MPHOSPH8: variants seen among roughly 807,000 people sequenced by gnomAD.
MPHOSPH8 encodes M-phase phosphoprotein 8, also known as M-phase phosphoprotein, mpp.
In MPHOSPH8, 45 loss-of-function variants were observed where a neutral mutation model predicts 87.3. That is an observed-to-expected ratio of 0.52 (90% CI 0.41 to 0.66). MPHOSPH8 has a LOEUF of 0.66. MPHOSPH8 is among the 30% of genes least tolerant of loss of function. MPHOSPH8 has a pLI of 0.00. For missense variants in MPHOSPH8, 883 were observed against 1,020.2 expected (o/e 0.87, Z 1.83); for synonymous variants, 366 against 376.9 (o/e 0.97, Z 0.33).
intron 11 of MPHOSPH8, among the ~76,000 whole-genome samples, chr13:19,669,990 CG>C (rs769534641): frequency 5.3e-5 from 8 of 152,146 alleles, no homozygotes; most frequent in Non-Finnish European, 8.8e-5. Context: ...GAAAATCATA[CG>C]TAAGTCTTTT....
chr13:19,643,643 A>G (rs1272302706), intron 2 of MPHOSPH8, among the ~76,000 whole-genome samples: 1 of 152,130 alleles, frequency 6.6e-6, no homozygotes, highest in African/African-American at 2.4e-5. Context: ...TATTCAGAAA[A>G]CAAATATGGG....
At chr13:19,645,498 G>T (rs1430331049) in intron 2 of MPHOSPH8, among the ~76,000 whole-genome samples, 1 of 152,082 alleles carries the variant, frequency 6.6e-6, no homozygotes, top group African/African-American at 2.4e-5. Context: ...CTGGCCAGGC[G>T]CCGTGGCTCA....
At chr13:19,637,292 G>A (rs900467724) in intron 1 of MPHOSPH8, among the ~76,000 whole-genome samples, 1 of 152,180 alleles carries the variant, frequency 6.6e-6, no homozygotes, top group African/African-American at 2.4e-5. Flanking sequence ...CTATGTTAAT[G>A]TAAAAGGTAA....
intron 9 of MPHOSPH8, 113 bp from the exon 10 acceptor site, chr13:19,666,312 T>G (rs1208246313): frequency 6.1e-6 from 7 of 1,152,106 alleles, no homozygotes; most frequent in Non-Finnish European, 8.5e-6. Context: ...CTATCCTTCT[T>G]CCATGGCCTG....
intron 1 of MPHOSPH8, among the ~76,000 whole-genome samples, chr13:19,635,506 C>T (rs985735713): frequency 8.6e-5 from 13 of 152,038 alleles, no homozygotes; most frequent in South Asian, 2.1e-4. Flanking sequence ...CCAGCCTGGG[C>T]GACAGAGGGA....
intron 5 of MPHOSPH8, among the ~76,000 whole-genome samples, chr13:19,650,847 T>C (rs1296004132): frequency 6.6e-6 from 1 of 152,172 alleles, no homozygotes; most frequent in Non-Finnish European, 1.5e-5. Context: ...ATTCGGAATA[T>C]ATGACAGACT....
At chr13:19,666,091 A>AC (rs1371175341) in intron 9 of MPHOSPH8, among the ~76,000 whole-genome samples, 3 of 152,172 alleles carry the variant, frequency 2.0e-5, no homozygotes, top group African/African-American at 7.2e-5. Context: ...GCAGCAGGGG[A>AC]CTGCTTAGCA....
intron 11 of MPHOSPH8, 43 bp downstream of exon 11, chr13:19,668,574 A>T: frequency 6.4e-7 from 1 of 1,561,578 alleles, no homozygotes; most frequent in Non-Finnish European, 8.7e-7. Flanking sequence ...GTGAAGTGTG[A>T]CACTATATTA....
In MPHOSPH8 at chr13:19,646,465, T is replaced by G. The variant is rs1272254844; in HGVS notation, c.392T>G (p.Ile131Arg). ...TAGAGACTATCCTTAAATAACGACA[T>G]ATTTGAGGCGAACTCTGATAGCGAT... is the stretch of plus-strand genomic sequence containing the variant. ...DIQRLSLNND[I>R]FEANSDSDQQ... is the part of the protein sequence containing the mutation. The change falls in exon 3 of 14, where the codon ATA becomes AGA. Residue 131 changes from isoleucine (I) to arginine (R), a missense_variant. Physicochemically the swap from Ile to Arg is moderately conservative, Grantham distance 97. This residue lies in a region of MPHOSPH8 where 39 missense variants were observed against 82.4 expected (regional missense o/e 0.47). Coordinates refer to ENST00000361479, the MANE Select transcript of MPHOSPH8 (RefSeq NM_017520.4). 1 of 1,518,746 alleles carries G rather than the reference T, an allele frequency of 6.6e-7. No homozygotes were observed. Among genetic ancestry groups the G allele is most frequent in the African/African-American group, 1.4e-5 (1 of 70,866 alleles). 94.1% of individuals were successfully genotyped at this position (1,518,746 alleles called of 1,614,324 possible). A position where few individuals can be genotyped will look rare whatever the true frequency, so the allele number is the denominator to read the frequency against.
At chr13:19,640,751 A>T (rs1229783363) in intron 1 of MPHOSPH8, among the ~76,000 whole-genome samples, 1 of 152,110 alleles carries the variant, frequency 6.6e-6, no homozygotes, top group East Asian at 1.9e-4. Flanking sequence ...ACTTAATAAG[A>T]GATACACAGG....
rs752206706 is a variant in MPHOSPH8 at position 19,646,909 on chromosome 13, G to C, written c.836G>C (p.Ser279Thr). The change falls in exon 3 of 14, where the codon AGT (serine) becomes ACT (threonine). Residue 279 changes from serine (S) to threonine (T), a missense_variant. Ser to Thr is a moderately conservative substitution (Grantham distance 58). Coordinates refer to ENST00000361479, the MANE Select transcript of MPHOSPH8 (RefSeq NM_017520.4). Reference protein sequence around the residue: ...LNDSPFPEDDSEGLHSDSREE... With the variant: ...LNDSPFPEDDTEGLHSDSREE... ...GATTCTCCCTTTCCAGAGGATGACA[G>C]TGAAGGGCTACATTCCGACAGCAGA... 2 of 1,603,970 alleles carry C rather than the reference G, an allele frequency of 1.2e-6. No individual in the cohort carries two copies. The highest frequency in any genetic ancestry group is 1.7e-6 in the Non-Finnish European group (2 of 1,177,760).
intron 1 of MPHOSPH8, among the ~76,000 whole-genome samples, chr13:19,635,896 A>C (rs991932544): frequency 3.9e-5 from 6 of 152,130 alleles, no homozygotes; most frequent in Non-Finnish European, 7.3e-5. Context: ...GGTTTCGCCC[A>C]TGCTGTTCTC....
At chr13:19,668,308 C>G in intron 10 of MPHOSPH8, 69 bp from the exon 11 acceptor site, 3 of 1,432,542 alleles carry the variant, frequency 2.1e-6, no homozygotes, top group Non-Finnish European at 2.9e-6. Context: ...GGGAAGCCCT[C>G]ACTGGTATTC....
intron 1 of MPHOSPH8, among the ~76,000 whole-genome samples, chr13:19,637,405 A>G (rs957032982): frequency 3.9e-5 from 6 of 152,106 alleles, no homozygotes; most frequent in Non-Finnish European, 7.4e-5. Context: ...TCATTTATTT[A>G]TCTTTTTTCT....
In MPHOSPH8 at chr13:19,659,300, G is replaced by C. The variant is rs377046757; in HGVS notation, c.1791+11G>C. On this transcript the variant is annotated intron_variant, in intron 7 of 13. Coordinates refer to ENST00000361479, the MANE Select transcript of MPHOSPH8 (RefSeq NM_017520.4). Reference sequence around the variant, plus strand: ...AACCTGGACCAAGAGGTAATATGTCGTTGAAAAATCTCATGAAAGGAAAAT... The same window carrying C: ...AACCTGGACCAAGAGGTAATATGTCCTTGAAAAATCTCATGAAAGGAAAAT... 3.8e-6 allele frequency: 6 copies of C among 1,567,318 alleles called. No individual in the cohort carries two copies. The highest frequency in any genetic ancestry group is 5.2e-6 in the Non-Finnish European group (6 of 1,152,540).
At position 19,673,048 on chromosome 13, in the gene MPHOSPH8, T is replaced by TTGTC. The variant is rs1167914621; in HGVS notation, c.*1175_*1178dup. On this transcript the variant is annotated 3_prime_UTR_variant, in exon 14 of 14. Transcript: ENST00000361479. ...CCAGCCTGAGTGACAGAATGAGACC[T>TTGTC]TGTCTCAAAAAAAAAAAAAAGTTTC... The TTGTC allele has an allele frequency of 6.8e-6, 3 of 442,526 alleles. No individual in the cohort carries two copies. The highest frequency in any genetic ancestry group is 6.3e-5 in the African/African-American group (3 of 47,846). 27.4% of individuals were successfully genotyped at this position (442,526 alleles called of 1,614,324 possible).
chr13:19,669,936 A>C (rs998863972), intron 11 of MPHOSPH8, among the ~76,000 whole-genome samples: 1 of 152,254 alleles, frequency 6.6e-6, no homozygotes, highest in African/African-American at 2.4e-5. Flanking sequence ...ACGTGTGCAC[A>C]TTCAGCAGCA....
In MPHOSPH8 at chr13:19,633,911, G is replaced by A. The variant is rs752612246; in HGVS notation, c.163G>A (p.Gly55Arg). ...AEAFGDSEED[G>R]EDVFEVEKIL... ...GGCCTTTGGCGACAGTGAGGAGGACGGAGAGGATGTGTTCGAGGTGGAGAA... is the reference window on the plus strand; with the variant it reads ...GGCCTTTGGCGACAGTGAGGAGGACAGAGAGGATGTGTTCGAGGTGGAGAA... Residue 55 changes from glycine to arginine, a missense_variant, in exon 1 of 14, where the codon GGA becomes AGA. Gly to Arg is a moderately radical substitution (Grantham distance 125, BLOSUM62 -2). Transcript: ENST00000361479. The A allele has an allele frequency of 1.1e-5, 17 of 1,611,720 alleles. No homozygotes were observed. Among genetic ancestry groups the A allele is most frequent in the Non-Finnish European group, 1.4e-5 (17 of 1,179,314 alleles).
rs1161604732 is a variant in MPHOSPH8, at chr13:19,647,094, A to G, written c.1021A>G (p.Thr341Ala). 2 of 1,612,558 alleles carry G rather than the reference A, an allele frequency of 1.2e-6. No individual in the cohort carries two copies. The highest frequency in any genetic ancestry group is 1.7e-6 in the Non-Finnish European group (2 of 1,179,624). ...GAAGACCCCGAGAAAGGCTGAGGAC[A>G]CTAGAGAGAACAGGAAGCTAGAGAA... ...KKKTPRKAED[T>A]RENRKLENKN... is the part of the protein sequence containing the mutation. Residue 341 changes from threonine to alanine, a missense_variant, in exon 3 of 14, where the codon ACT (threonine) becomes GCT (alanine). By Grantham distance (58) the Thr-to-Ala change is moderately conservative. This residue lies in a region of MPHOSPH8 where 741 missense variants were observed against 841.5 expected (regional missense o/e 0.88). Transcript: ENST00000361479.
Sources: allele counts gnomAD v4.1 joint callset (sites outside exome capture counted in the v4.1 genomes callset), GRCh38; gene constraint gnomAD v4.1.1; regional missense constraint gnomAD v4.1.1; transcripts MANE v1.5; gene names NCBI Gene and HGNC (gene_info 2026-07-23, HGNC 2026-07-21).